ABCC4: variants seen among roughly 807,000 people sequenced by gnomAD.
The protein encoded by ABCC4 is ATP binding cassette subfamily C member 4 (PEL blood group).
Under a neutral mutation model 168.5 loss-of-function variants are expected in ABCC4, and 102 were observed. The ratio of observed to expected loss-of-function variants is 0.61; its 90% CI spans 0.52 to 0.71. ABCC4 has a LOEUF of 0.71. Among genes scored for constraint, ABCC4 ranks in the 30% least tolerant of loss-of-function variants. The pLI is 0.00. For missense variants in ABCC4, 1,402 were observed against 1,605.8 expected (o/e 0.87, Z 2.17); for synonymous variants, 617 against 590.7 (o/e 1.04, Z -0.65).
intron 3 of ABCC4, among the ~76,000 whole-genome samples, chr13:95,244,453 G>A (rs372330910): frequency 2.0e-5 from 3 of 151,058 alleles, no homozygotes; most frequent in Admixed American, 6.6e-5. Context: ...GCATGGTGGC[G>A]TGCACCTGTG....
intron 4 of ABCC4, among the ~76,000 whole-genome samples, chr13:95,225,063 G>GACTA (rs1239996619): frequency 6.6e-6 from 1 of 151,702 alleles, no homozygotes; most frequent in East Asian, 1.9e-4. Flanking sequence ...GAGAAAAAGA[G>GACTA]ACTAACTCTC....
intron 1 of ABCC4, among the ~76,000 whole-genome samples, chr13:95,266,854 C>T (rs1167971372): frequency 2.3e-5 from 3 of 132,480 alleles, no homozygotes; most frequent in South Asian, 2.4e-4. Context: ...GATGGAGTTT[C>T]GCTCTGTCTC....
intron 21 of ABCC4, among the ~76,000 whole-genome samples, chr13:95,081,843 A>G (rs11620327): frequency 0.04 from 6,153 of 151,934 alleles, 164 homozygotes; most frequent in Non-Finnish European, 0.055. Context: ...TCTACTAATA[A>G]TATGAAAATA....
chr13:95,166,299 T>G lies in ABCC4; in HGVS notation c.1893A>C (p.Leu631Phe). The G allele has an allele frequency of 6.2e-7, 1 of 1,613,992 alleles. No individual in the cohort carries two copies. The highest frequency in any genetic ancestry group is 8.5e-7 in the Non-Finnish European group (1 of 1,180,010). ...LKSGIDFGSL[L>F]KKDNEESEQP... ...GTTCACTTTCCTCATTATCCTTCTT[T>G]AAAAGGGAGCCAAAATCTATACCAG... Residue 631 changes from leucine to phenylalanine, a missense_variant, in exon 15 of 31, where the codon TTA (leucine) becomes TTC (phenylalanine). Coordinates refer to ENST00000645237, the MANE Select transcript of ABCC4 (RefSeq NM_005845.5).
chr13:95,173,291 C>T (rs1164048017), intron 13 of ABCC4, among the ~76,000 whole-genome samples: 1 of 152,238 alleles, frequency 6.6e-6, no homozygotes, highest in Non-Finnish European at 1.5e-5. Context: ...CACAAATGCG[C>T]TGTGCAAAGG....
chr13:95,175,209 A>G (rs1265817884), intron 13 of ABCC4, among the ~76,000 whole-genome samples: 1 of 152,206 alleles, frequency 6.6e-6, no homozygotes, highest in Non-Finnish European at 1.5e-5. Flanking sequence ...TTTGCTATCC[A>G]GGACTTGTTA....
rs72377318 is a variant in ABCC4 at position 95,244,670 on chromosome 13, A to AAAGAAATAAATCAATC, written c.306+2304_306+2305insGATTGATTTATTTCTT. Among the ~76,000 whole-genome samples, 8 of 106,458 alleles carry AAAGAAATAAATCAATC rather than the reference A, an allele frequency of 7.5e-5. 1 individual carries two copies. The highest frequency in any genetic ancestry group is 1.6e-4 in the Non-Finnish European group (8 of 48,726). The allele number at this position is 106,458 out of a possible 152,430, so 69.8% of individuals were successfully genotyped here. ...GAAAGAAAGAAAGAAAGAAAGAAAG[A>AAAGAAATAAATCAATC]AATCATAGCAGTTCCTGGTACATAG... On this transcript the variant is annotated intron_variant, in intron 3 of 30. Coordinates refer to ENST00000645237, the MANE Select transcript of ABCC4 (RefSeq NM_005845.5).
chr13:95,156,163 C>G (rs1167050209), intron 19 of ABCC4, among the ~76,000 whole-genome samples: 1 of 152,144 alleles, frequency 6.6e-6, no homozygotes, highest in African/African-American at 2.4e-5. Context: ...CCAAAAAAAC[C>G]CTGTTTGAAA....
At chr13:95,183,812 G>T (rs1249903599) in intron 11 of ABCC4, among the ~76,000 whole-genome samples, 1 of 152,162 alleles carries the variant, frequency 6.6e-6, no homozygotes, top group East Asian at 1.9e-4. Context: ...TACTCAGGAG[G>T]CTGAGGCAGG....
At chr13:95,031,655 T>C (rs1387087832) in intron 30 of ABCC4, among the ~76,000 whole-genome samples, 1 of 152,212 alleles carries the variant, frequency 6.6e-6, no homozygotes, top group Non-Finnish European at 1.5e-5. Flanking sequence ...GTAATTGAGA[T>C]TTCAATTCTA....
At chr13:95,161,873 A>C (rs1295835736) in intron 18 of ABCC4, 1 of 152,234 alleles carries the variant, frequency 6.6e-6, no homozygotes, top group Non-Finnish European at 1.5e-5. Flanking sequence ...AACACAAATT[A>C]TATTTTAACA....
At chr13:95,247,825 G>T in intron 1 of ABCC4, 72 bp from the exon 2 acceptor site, 1 of 1,223,308 alleles carries the variant, frequency 8.2e-7, no homozygotes. Flanking sequence ...TACCTCCATG[G>T]GTTTTGCTTA....
At chr13:95,220,255 G>A (rs562858224) in intron 4 of ABCC4, among the ~76,000 whole-genome samples, 29 of 152,206 alleles carry the variant, frequency 1.9e-4, no homozygotes, top group Admixed American at 1.5e-3. Context: ...TTCATGTGCC[G>A]TCTTTAAGAC....
intron 19 of ABCC4, among the ~76,000 whole-genome samples, chr13:95,136,737 T>C (rs1314878151): frequency 6.6e-6 from 1 of 152,080 alleles, no homozygotes; most frequent in Non-Finnish European, 1.5e-5. Flanking sequence ...CACCTAAGGG[T>C]GGTGGACACG....
intron 30 of ABCC4, among the ~76,000 whole-genome samples, chr13:95,022,068 TG>T (rs1214576146): frequency 1.3e-5 from 2 of 152,206 alleles, no homozygotes; most frequent in African/African-American, 2.4e-5. Context: ...ACACGTAAAA[TG>T]AGCACAATAG....
chr13:95,186,411 T>A (rs1015035489), intron 11 of ABCC4, among the ~76,000 whole-genome samples: 28 of 152,096 alleles, frequency 1.8e-4, no homozygotes, highest in Admixed American at 1.3e-3. Context: ...TTCTCTCCAC[T>A]TTTGCAAATT....
At chr13:95,148,591 AAC>A (rs55998383) in intron 19 of ABCC4, among the ~76,000 whole-genome samples, 23,433 of 129,420 alleles carry the variant, frequency 0.18, 1,943 homozygotes, top group African/African-American at 0.22. Context: ...TACCCATCAC[AAC>A]ACACACACAC....
chr13:95,138,591 A>C (rs116025077), intron 19 of ABCC4, among the ~76,000 whole-genome samples: 3,052 of 152,284 alleles, frequency 0.02, 111 homozygotes, highest in African/African-American at 0.07. Context: ...TATGAGGCCC[A>C]GGCAGTAGGA....
chr13:95,137,318 T>C (rs945632130), intron 19 of ABCC4, among the ~76,000 whole-genome samples: 4 of 152,196 alleles, frequency 2.6e-5, no homozygotes, highest in African/African-American at 9.7e-5. Flanking sequence ...TTTGTCCTGC[T>C]CCAGCTCACA....
Sources: gnomAD v4.1 joint callset for allele counts (sites outside exome capture counted in the v4.1 genomes callset) on GRCh38, gnomAD v4.1.1 for gene constraint, MANE v1.5 for transcripts, NCBI Gene and HGNC (gene_info 2026-07-23, HGNC 2026-07-21) for gene names.